Variants in FBXO38 observed in about 807,000 individuals in gnomAD.
FBXO38 encodes the protein F-box protein 38.
In FBXO38, 53 loss-of-function variants were observed where a neutral mutation model predicts 131.9. That is an observed-to-expected ratio of 0.40 (90% CI 0.32 to 0.51). The LOEUF (loss-of-function observed/expected upper bound fraction) is 0.51. Ranked by LOEUF, FBXO38 falls within the 20% of genes least tolerant of loss-of-function variation. The pLI is 0.53. For synonymous variants in FBXO38, 452 were observed against 505.6 expected, an observed-to-expected ratio of 0.89 and a Z score of 1.42; for missense variants, 1,076 against 1,475.6, an observed-to-expected ratio of 0.73 and a Z score of 4.44.
At chr5:148,432,685 T>G (rs1754101345) in intron 15 of FBXO38, among the ~76,000 whole-genome samples, 1 of 152,230 alleles carries the variant, frequency 6.6e-6, no homozygotes, top group African/African-American at 2.4e-5. Context: ...CTGTAAGTGT[T>G]GAGTGCCAGT....
At position 148,394,678 on chromosome 5, in the gene FBXO38, GT is replaced by G; in HGVS notation, c.-63-29del. On this transcript the variant is annotated intron_variant, in intron 1 of 21. Transcript: ENST00000340253. ...TAACCTGGGTTTTAGTAGGGGGTGTGTTTTTTTAGTCTACTTCGTTCTGTTT... is the reference window on the plus strand; with the variant it reads ...TAACCTGGGTTTTAGTAGGGGGTGTGTTTTTTAGTCTACTTCGTTCTGTTT... The G allele has an allele frequency of 3.3e-6, 4 of 1,194,444 alleles. 1 individual carries two copies. Among genetic ancestry groups the G allele is most frequent in the African/African-American group, 1.6e-5 (1 of 62,772 alleles). 74.0% of individuals were successfully genotyped at this position (1,194,444 alleles called of 1,614,324 possible).
rs1391742063 is a variant in FBXO38 at position 148,410,427 on chromosome 5, T to G, written c.963-208T>G. The G allele has an allele frequency of 7.0e-6, 4 of 573,504 alleles. No homozygotes were observed. The African/African-American group carries it at 7.8e-5, about 11-fold the overall frequency. The allele number at this position is 573,504 out of a possible 1,614,324, so 35.5% of individuals were successfully genotyped here. On this transcript the variant is annotated intron_variant, in intron 8 of 21. Coordinates refer to ENST00000340253, the MANE Select transcript of FBXO38 (RefSeq NM_205836.3). The stretch of plus-strand genomic sequence containing the variant: ...TGACTTGCTGCCATCAGTCAAGATG[T>G]GACTTGCTCCTTTTTGCCTTCAGCC...
At position 148,433,706 on chromosome 5, in the gene FBXO38, A is replaced by G. The variant is rs1171385304; in HGVS notation, c.2826A>G (p.Leu942=). Reference sequence around the variant, plus strand: ...ATTGTGGAATCACAGATCTAGTGCTAAAAGACTGTCCAAAGATGATGTTCA... The same window carrying G: ...ATTGTGGAATCACAGATCTAGTGCTGAAAGACTGTCCAAAGATGATGTTCA... ...MTNCGITDLV[L]KDCPKMMFIH... is the part of the protein sequence containing the mutation. The change falls in exon 17 of 22, where the codon CTA becomes CTG. Residue 942 remains leucine (L), a synonymous_variant. Coordinates refer to ENST00000340253, the MANE Select transcript of FBXO38 (RefSeq NM_205836.3). The G allele has an allele frequency of 6.2e-7, 1 of 1,610,254 alleles. No homozygotes were observed. The highest frequency in any genetic ancestry group is 1.7e-5 in the Admixed American group (1 of 59,654).
At chr5:148,424,500 G>A (rs1260394801) in intron 13 of FBXO38, among the ~76,000 whole-genome samples, 2 of 152,188 alleles carry the variant, frequency 1.3e-5, no homozygotes, top group Admixed American at 6.5e-5. Flanking sequence ...ACCTGGTTTA[G>A]TAAACAAACC....
intron 19 of FBXO38, 49 bp from the exon 20 acceptor site, chr5:148,440,375 A>G: frequency 8.5e-7 from 1 of 1,172,164 alleles, no homozygotes; most frequent in Non-Finnish European, 1.3e-6. Flanking sequence ...CCCGACACTA[A>G]TTATTTCCAG....
intron 17 of FBXO38, among the ~76,000 whole-genome samples, chr5:148,437,986 G>A (rs1754446962): frequency 6.6e-6 from 1 of 151,950 alleles, no homozygotes; most frequent in East Asian, 1.9e-4. Context: ...AGGTAACATA[G>A]GTGAATTATT....
At chr5:148,436,071 T>C (rs1581304335) in intron 17 of FBXO38, among the ~76,000 whole-genome samples, 1 of 152,136 alleles carries the variant, frequency 6.6e-6, no homozygotes, top group East Asian at 1.9e-4. Flanking sequence ...AATGAAAAAG[T>C]TTGAAATACT....
chr5:148,400,322 A>G (rs1041208086), intron 3 of FBXO38, among the ~76,000 whole-genome samples: 24 of 152,080 alleles, frequency 1.6e-4, no homozygotes, highest in Non-Finnish European at 2.6e-4. Flanking sequence ...CTTATATTAG[A>G]TTTACTTTTG....
rs901582757 is a variant in FBXO38 at position 148,427,267 on chromosome 5, G to T, written c.1973G>T (p.Gly658Val). 3 of 1,614,000 alleles carry T rather than the reference G, an allele frequency of 1.9e-6. No individual in the cohort carries two copies. The African/African-American group carries it at 4.0e-5, about 22-fold the overall frequency. The change falls in exon 15 of 22, where the codon GGC becomes GTC. Residue 658 changes from glycine (G) to valine (V), a missense_variant. Transcript: ENST00000340253. ...LRKRYNSHQM[G>V]QSKQFPLEES... is the part of the protein sequence containing the mutation. ...AAGAGGTACAACTCCCATCAGATGG[G>T]CCAGTCGAAGCAGTTTCCCCTCGAG...
At chr5:148,409,767 C>T (rs1382369657) in intron 8 of FBXO38, among the ~76,000 whole-genome samples, 1 of 152,138 alleles carries the variant, frequency 6.6e-6, no homozygotes, top group Non-Finnish European at 1.5e-5. Context: ...TTTCTTTAAG[C>T]ATTTTTAAAA....
intron 15 of FBXO38, among the ~76,000 whole-genome samples, chr5:148,432,049 C>T (rs913423014): frequency 1.3e-5 from 2 of 152,148 alleles, no homozygotes; most frequent in African/African-American, 2.4e-5. Flanking sequence ...AGTATTTGTT[C>T]AATTTCCTTG....
chr5:148,393,213 G>GTGTGTGTGTGTGTGTT (rs1332756048), intron 1 of FBXO38, among the ~76,000 whole-genome samples: 1 of 150,952 alleles, frequency 6.6e-6, no homozygotes. Context: ...GTGTGTGTGT[G>GTGTGTGTGTGTGTGTT]TGTGTGTGTG....
At chr5:148,426,333 A>T (rs757284996) in intron 14 of FBXO38, among the ~76,000 whole-genome samples, 5 of 151,892 alleles carry the variant, frequency 3.3e-5, no homozygotes, top group African/African-American at 4.8e-5. Flanking sequence ...GGGTACCCTT[A>T]CTCCTTAATA....
At chr5:148,441,288 T>G (rs1193676338) in intron 21 of FBXO38, 51 bp downstream of exon 21, 1 of 1,262,930 alleles carries the variant, frequency 7.9e-7, no homozygotes, top group Non-Finnish European at 1.2e-6. Context: ...TATAGCCTAC[T>G]GTGTTACATA....
chr5:148,440,074 C>A (rs1271491108), intron 19 of FBXO38, among the ~76,000 whole-genome samples: 2 of 152,116 alleles, frequency 1.3e-5, no homozygotes, highest in African/African-American at 4.8e-5. Flanking sequence ...AAAAAGAGAT[C>A]AACTTGAAGA....
In FBXO38 at chr5:148,394,803, A is replaced by G. The variant is rs574130437; in HGVS notation, c.27A>G (p.Lys9=). Residue 9 remains lysine, a synonymous_variant, in exon 2 of 22, where the codon AAA becomes AAG. Coordinates refer to ENST00000340253, the MANE Select transcript of FBXO38 (RefSeq NM_205836.3). ...TGGGGCCACGAAAGAAAAGTGTGAA[A>G]ACATGTATCATGAATAATGAAATTC... is the stretch of plus-strand genomic sequence containing the variant. MGPRKKSV[K]TCIMNNEIPE... 68 of 1,590,224 alleles carry G rather than the reference A, an allele frequency of 4.3e-5. No homozygotes were observed. In the Middle Eastern group the frequency reaches 5.0e-4, roughly 12 times the overall value.
At chr5:148,440,384 A>G (rs1252412321) in intron 19 of FBXO38, 40 bp from the exon 20 acceptor site, 1 of 1,247,298 alleles carries the variant, frequency 8.0e-7, no homozygotes, top group South Asian at 1.2e-5. Context: ...AATTATTTCC[A>G]GTTTTGTAAT....
chr5:148,409,235 A>G lies in FBXO38; in HGVS notation c.962+18A>G, dbSNP rs10077690. On this transcript the variant is annotated intron_variant, in intron 8 of 21. Transcript: ENST00000340253. ...GCCCGTAGGTATGTTTCCTCTTTGT[A>G]TTGTGTCTCTCACTTTAGAAGTAAT... The G allele has an allele frequency of 0.23, 342,059 of 1,472,562 alleles. 40,021 individuals carry two copies. The highest frequency in any genetic ancestry group is 0.26 in the Admixed American group (15,253 of 59,780). The allele number at this position is 1,472,562 out of a possible 1,614,324, so 91.2% of individuals were successfully genotyped here. A position where few individuals can be genotyped will look rare whatever the true frequency, so the allele number is the denominator to read the frequency against.
chr5:148,409,063 T>A (rs1321871689), intron 7 of FBXO38, 61 bp from the exon 8 acceptor site: 4 of 865,506 alleles, frequency 4.6e-6, no homozygotes, highest in Non-Finnish European at 8.0e-6. Context: ...TAATGTATAG[T>A]ATATAAATAC....
Sources: gnomAD v4.1 joint callset for allele counts (sites outside exome capture counted in the v4.1 genomes callset) on GRCh38, gnomAD v4.1.1 for gene constraint, MANE v1.5 for transcripts, NCBI Gene and HGNC (gene_info 2026-07-23, HGNC 2026-07-21) for gene names.